FAF1: variants seen among roughly 807,000 people sequenced by gnomAD.
FAF1 encodes the protein FAS-associated factor 1.
In FAF1, 25 loss-of-function variants were observed where a neutral mutation model predicts 92.5. That is an observed-to-expected ratio of 0.27 (90% confidence interval 0.20 to 0.38). The LOEUF is 0.38. Among genes scored for constraint, FAF1 ranks in the 10% least tolerant of loss-of-function variants. The pLI, the probability that FAF1 is intolerant of heterozygous loss-of-function variation, is 1.00. For synonymous variants in FAF1, 234 were observed against 273.2 expected (o/e 0.86, Z 1.42); for missense variants, 636 against 793.3 (o/e 0.80, Z 2.38).
At chr1:50,468,302 A>AT (rs759451139) in intron 18 of FAF1, among the ~76,000 whole-genome samples, 13 of 151,514 alleles carry the variant, frequency 8.6e-5, no homozygotes, top group Admixed American at 3.3e-4. Flanking sequence ...ATTTGTATGT[A>AT]TTTTTTTTGA....
chr1:50,800,535 T>G (rs939460229), intron 3 of FAF1, among the ~76,000 whole-genome samples: 4 of 152,180 alleles, frequency 2.6e-5, no homozygotes, highest in African/African-American at 9.7e-5. Flanking sequence ...TCTAGAAATC[T>G]GCCACATTTA....
chr1:50,490,458 A>AGGAAGGAG, intron 17 of FAF1, 130 bp downstream of exon 17: 1 of 292,076 alleles, frequency 3.4e-6, no homozygotes, highest in South Asian at 3.5e-5. Context: ...GAAGGAAGGA[A>AGGAAGGAG]GGAAAAAGAA....
At chr1:50,697,149 A>T (rs563867104) in intron 7 of FAF1, among the ~76,000 whole-genome samples, 1 of 152,304 alleles carries the variant, frequency 6.6e-6, no homozygotes, top group East Asian at 1.9e-4. Context: ...ACTTTTCAAG[A>T]TTTCCGCAAA....
rs770713160 is a variant in FAF1, at chr1:50,480,251, C to T, written c.1654-4572G>A. 3.9e-5 allele frequency among the ~76,000 whole-genome samples: 6 copies of T among 152,168 alleles called. No homozygotes were observed. The South Asian group carries it at 6.2e-4, about 16-fold the overall frequency. ...ATTAGGCAGTGAAAATAGATACCCACAAAAGACTGTCACTACAAGGTTACA... is the reference window on the plus strand; with the variant it reads ...ATTAGGCAGTGAAAATAGATACCCATAAAAGACTGTCACTACAAGGTTACA... On this transcript the variant is annotated intron_variant, in intron 17 of 18. Transcript: ENST00000396153.
At chr1:50,723,490 T>C (rs1440136558) in intron 6 of FAF1, among the ~76,000 whole-genome samples, 6 of 152,144 alleles carry the variant, frequency 3.9e-5, no homozygotes, top group Admixed American at 3.9e-4. Context: ...AGTTCTACTA[T>C]GACGCTTCTC....
chr1:50,903,539 C>T (rs1644812753), intron 1 of FAF1, among the ~76,000 whole-genome samples: 1 of 152,024 alleles, frequency 6.6e-6, no homozygotes, highest in Non-Finnish European at 1.5e-5. Flanking sequence ...AATCACTGTA[C>T]ATGCACTAGC....
chr1:50,585,880 T>TAAAAAAAAA (rs958484582), intron 9 of FAF1, among the ~76,000 whole-genome samples: 11 of 90,638 alleles, frequency 1.2e-4, no homozygotes, highest in African/African-American at 3.0e-4. Flanking sequence ...CATCTCTACA[T>TAAAAAAAAA]AAAAAAAAAA....
chr1:50,790,099 T>C (rs1284659977), intron 3 of FAF1, among the ~76,000 whole-genome samples: 3 of 152,162 alleles, frequency 2.0e-5, no homozygotes, highest in Non-Finnish European at 2.9e-5. Flanking sequence ...GACATCTATG[T>C]CTCCACTGGA....
At chr1:50,833,903 G>A (rs535795640) in intron 2 of FAF1, among the ~76,000 whole-genome samples, 16 of 152,200 alleles carry the variant, frequency 1.1e-4, no homozygotes, top group South Asian at 4.2e-4. Context: ...CATTCCAGGC[G>A]CTCATGAAAC....
At chr1:50,694,944 AGAGC>A (rs1194485522) in intron 7 of FAF1, among the ~76,000 whole-genome samples, 3 of 152,114 alleles carry the variant, frequency 2.0e-5, no homozygotes, top group Admixed American at 6.5e-5. Flanking sequence ...CTTTGGCGAC[AGAGC>A]GAGACTGTCT....
intron 1 of FAF1, among the ~76,000 whole-genome samples, chr1:50,866,184 T>C (rs1423243153): frequency 6.6e-6 from 1 of 152,026 alleles, no homozygotes; most frequent in Non-Finnish European, 1.5e-5. Context: ...AAAATCAGCA[T>C]AGAAAGGACA....
At chr1:50,529,933 A>G (rs1336352831) in intron 15 of FAF1, among the ~76,000 whole-genome samples, 2 of 152,198 alleles carry the variant, frequency 1.3e-5, no homozygotes, top group East Asian at 3.8e-4. Flanking sequence ...AAAGGAGAAA[A>G]ATCACTGGAT....
chr1:50,627,172 CAT>C (rs1438444989), intron 8 of FAF1, among the ~76,000 whole-genome samples: 2 of 152,096 alleles, frequency 1.3e-5, no homozygotes, highest in Non-Finnish European at 2.9e-5. Flanking sequence ...AACAATCTCA[CAT>C]GAGTGATAAT....
intron 13 of FAF1, among the ~76,000 whole-genome samples, chr1:50,556,195 G>A (rs147696085): frequency 0.067 from 9,145 of 137,138 alleles, 385 homozygotes; most frequent in East Asian, 0.097. Context: ...CCAAGATCGC[G>A]CCACTGCACT....
At chr1:50,718,169 G>A (rs546486953) in intron 6 of FAF1, among the ~76,000 whole-genome samples, 6 of 151,964 alleles carry the variant, frequency 3.9e-5, no homozygotes, top group Admixed American at 1.3e-4. Context: ...ACAGGCACCC[G>A]AGTAGCTGGG....
intron 8 of FAF1, among the ~76,000 whole-genome samples, chr1:50,646,750 A>G (rs1654605943): frequency 1.3e-5 from 2 of 152,230 alleles, no homozygotes; most frequent in African/African-American, 4.8e-5. Flanking sequence ...AATCTCTGAG[A>G]AGCAAGATCT....
chr1:50,578,680 T>C (rs1476308890), intron 12 of FAF1, among the ~76,000 whole-genome samples: 2 of 152,174 alleles, frequency 1.3e-5, no homozygotes, highest in Non-Finnish European at 2.9e-5. Flanking sequence ...CCTATTTCAC[T>C]GTTTGGTTGT....
Position 50,439,132 on chromosome 1 carries a change from C to T in FAF1, c.*2308G>A, listed in dbSNP as rs1294771741. The T allele has an allele frequency of 6.6e-6, 1 of 152,258 alleles. No individual in the cohort carries two copies. The highest frequency in any genetic ancestry group is 1.5e-5 in the Non-Finnish European group (1 of 68,070). 9.4% of individuals were successfully genotyped at this position (152,258 alleles called of 1,614,324 possible). On this transcript the variant is annotated 3_prime_UTR_variant, in exon 19 of 19. Transcript: ENST00000396153. ...AATGCCAAGCAAATATTCAGACTGA[C>T]TCACTTACTGGGCCTGGAGGCTGGG...
At chr1:50,810,580 A>G (rs930400939) in intron 2 of FAF1, among the ~76,000 whole-genome samples, 1 of 152,234 alleles carries the variant, frequency 6.6e-6, no homozygotes, top group Non-Finnish European at 1.5e-5. Context: ...TCCTATCCAG[A>G]GCAATCAGGC....
Sources: gnomAD v4.1 joint callset for allele counts (sites outside exome capture counted in the v4.1 genomes callset) on GRCh38, gnomAD v4.1.1 for gene constraint, MANE v1.5 for transcripts, NCBI Gene and HGNC (gene_info 2026-07-23, HGNC 2026-07-21) for gene names.